POLQ: variants seen among roughly 807,000 people sequenced by gnomAD.
The protein encoded by POLQ is DNA polymerase theta.
In POLQ, 233 loss-of-function variants were observed where a neutral mutation model predicts 259.2. The ratio of observed to expected loss-of-function variants is 0.90; its 90% CI spans 0.81 to 1.00. The LOEUF (loss-of-function observed/expected upper bound fraction) is 1.00, where lower values mean the gene tolerates loss of function less well. Ranked by LOEUF, POLQ falls within the 50% of genes least tolerant of loss-of-function variation. POLQ has a pLI of 0.00. For synonymous variants in POLQ, 1,025 were observed against 1,048.8 expected, an observed-to-expected ratio of 0.98 and a Z score of 0.44; for missense variants, 2,871 against 3,051.6, an observed-to-expected ratio of 0.94 and a Z score of 1.39.
At position 121,545,805 on chromosome 3, in the gene POLQ, C is replaced by T; in HGVS notation, c.73G>A (p.Gly25Ser). Residue 25 changes from glycine to serine, a missense_variant, in exon 1 of 30, where the codon GGT (glycine) becomes AGT (serine). By Grantham distance (56) the Gly-to-Ser change is moderately conservative (BLOSUM62 0). Around this residue, in one of 3 missense-constraint regions of POLQ, gnomAD observed 783 missense variants for 906.2 expected, o/e 0.86. Transcript: ENST00000264233. ...SGSDSFSGSG[G>S]DSSASPQFLS... The stretch of plus-strand genomic sequence containing the variant: ...AACTGGGGGCTGGCACTGCTGTCAC[C>T]GCCGCTTCCCGAGAACGAATCTGAG... 1 of 1,613,154 alleles carries T rather than the reference C, an allele frequency of 6.2e-7. No individual in the cohort carries two copies. Among genetic ancestry groups the T allele is most frequent in the African/African-American group, 1.3e-5 (1 of 75,022 alleles).
intron 27 of POLQ, 42 bp downstream of exon 27, chr3:121,439,950 A>G: frequency 6.5e-7 from 1 of 1,548,660 alleles, no homozygotes; most frequent in South Asian, 1.1e-5. Context: ...AGTACATGTC[A>G]TTGAAATGTT....
At chr3:121,480,066 G>T (rs535783321) in intron 19 of POLQ, among the ~76,000 whole-genome samples, 4 of 151,608 alleles carry the variant, frequency 2.6e-5, no homozygotes, top group African/African-American at 9.7e-5. Flanking sequence ...CTTAGCAATA[G>T]CTGTATATCA....
chr3:121,522,238 G>A (rs1281013817), intron 7 of POLQ, 89 bp from the exon 8 acceptor site: 4 of 786,436 alleles, frequency 5.1e-6, no homozygotes, highest in South Asian at 2.1e-5. Context: ...TAAATAGCAG[G>A]GGAATGGTTC....
chr3:121,495,571 C>T (rs748369104), intron 14 of POLQ, among the ~76,000 whole-genome samples: 1 of 151,722 alleles, frequency 6.6e-6, no homozygotes, highest in African/African-American at 2.4e-5. Flanking sequence ...CGGCCGGGCG[C>T]GGGTGGCTTA....
intron 9 of POLQ, among the ~76,000 whole-genome samples, chr3:121,513,331 C>T (rs1342679708): frequency 1.3e-5 from 2 of 151,986 alleles, no homozygotes; most frequent in African/African-American, 2.4e-5. Context: ...CAGCCAGGCG[C>T]GGTGGCTCAC....
chr3:121,452,582 A>G (rs939330471), intron 25 of POLQ, among the ~76,000 whole-genome samples: 4 of 151,924 alleles, frequency 2.6e-5, no homozygotes, highest in African/African-American at 7.3e-5. Flanking sequence ...TGGTGACACA[A>G]ACAAAAACTG....
intron 18 of POLQ, among the ~76,000 whole-genome samples, chr3:121,482,338 G>A (rs574082468): frequency 6.1e-4 from 93 of 152,168 alleles, no homozygotes; most frequent in African/African-American, 2.1e-3. Flanking sequence ...GGTCAACATG[G>A]TGAAACCCTG....
At chr3:121,473,859 T>G (rs960034676) in intron 20 of POLQ, among the ~76,000 whole-genome samples, 8 of 151,432 alleles carry the variant, frequency 5.3e-5, no homozygotes, top group Non-Finnish European at 7.4e-5. Context: ...CCCGAGTAGC[T>G]AGGGCCACAG....
Position 121,473,463 on chromosome 3 carries a change from G to T in POLQ, c.6430C>A (p.Pro2144Thr), listed in dbSNP as rs375962847. The change falls in exon 21 of 30, where the codon CCC becomes ACC. Residue 2144 changes from proline (P) to threonine (T), a missense_variant. Pro to Thr is a conservative substitution (Grantham distance 38). Transcript: ENST00000264233. ...TGGTTTTTCATCTCTCTATTTGGGG[G>T]CAACTTCAATTCCAAAAATAAAACC... ...AEVLFLELKL[P>T]PNREMKNQGS... The T allele has an allele frequency of 3.1e-6, 5 of 1,612,584 alleles. No individual in the cohort carries two copies. The highest frequency in any genetic ancestry group is 3.3e-5 in the Admixed American group (2 of 59,828).
Position 121,432,081 on chromosome 3 carries a change from T to C in POLQ, c.*223A>G, listed in dbSNP as rs73855391. The C allele has an allele frequency of 3.4e-3, 1,428 of 414,278 alleles. 14 individuals carry two copies. The highest frequency in any genetic ancestry group is 0.028 in the African/African-American group (1,346 of 48,540). 25.7% of individuals were successfully genotyped at this position (414,278 alleles called of 1,614,324 possible). A position where few individuals can be genotyped will look rare whatever the true frequency, so the allele number is the denominator to read the frequency against. ...TTCATAGATGCTCTTTGAAAGTGAATGTAACTATTATACTTGGTATTCTAC... is the reference window on the plus strand; with the variant it reads ...TTCATAGATGCTCTTTGAAAGTGAACGTAACTATTATACTTGGTATTCTAC... On this transcript the variant is annotated 3_prime_UTR_variant, in exon 30 of 30. Coordinates refer to ENST00000264233, the MANE Select transcript of POLQ (RefSeq NM_199420.4).
At chr3:121,495,871 A>AG in intron 14 of POLQ, among the ~76,000 whole-genome samples, 1 of 150,698 alleles carries the variant, frequency 6.6e-6, no homozygotes, top group Non-Finnish European at 1.5e-5. Flanking sequence ...AAAAAAAAAA[A>AG]AGAGTGAGTG....
In POLQ at chr3:121,487,976, G is replaced by A; in HGVS notation, c.4955C>T (p.Pro1652Leu). Residue 1652 changes from proline (P) to leucine (L), a missense_variant, in exon 16 of 30, where the codon CCT (proline) becomes CTT (leucine). Physicochemically the swap from Pro to Leu is moderately conservative, Grantham distance 98. Transcript: ENST00000264233. ...TGATTTTAGCTTTTCATTTTCTAGA[G>A]GACTGGATACTTTATCTAAAATCCT... ...LQRILDKVSSPLENEKLKSMT... is the reference protein window; with the variant it reads ...LQRILDKVSSLLENEKLKSMT... 1 of 1,611,060 alleles carries A rather than the reference G, an allele frequency of 6.2e-7. No homozygotes were observed. Among genetic ancestry groups the A allele is most frequent in the African/African-American group, 1.3e-5 (1 of 74,798 alleles).
At chr3:121,460,014 C>A (rs772992611) in intron 25 of POLQ, 36 bp downstream of exon 25, 9 of 1,504,192 alleles carry the variant, frequency 6.0e-6, no homozygotes, top group South Asian at 3.5e-5. Context: ...TCACTAAATT[C>A]TTCTCCTTTA....
chr3:121,544,592 A>G, intron 2 of POLQ, 135 bp downstream of exon 2: 1 of 577,438 alleles, frequency 1.7e-6, no homozygotes, highest in Non-Finnish European at 3.0e-6. Context: ...TCCACTTTTC[A>G]CACATATTGT....
chr3:121,491,454 G>A (rs1560098587), intron 15 of POLQ, among the ~76,000 whole-genome samples: 1 of 150,562 alleles, frequency 6.6e-6, no homozygotes, highest in Non-Finnish European at 1.5e-5. Flanking sequence ...ACTAGAAAAT[G>A]AACAAAAGAA....
chr3:121,522,528 G>T (rs892583758), intron 7 of POLQ, among the ~76,000 whole-genome samples: 1 of 149,748 alleles, frequency 6.7e-6, no homozygotes, highest in Non-Finnish European at 1.5e-5. Flanking sequence ...AGCCAGGATG[G>T]TCTCGATCTC....
chr3:121,440,577 C>T (rs528945332), intron 26 of POLQ, among the ~76,000 whole-genome samples: 1 of 152,346 alleles, frequency 6.6e-6, no homozygotes, highest in Non-Finnish European at 1.5e-5. Flanking sequence ...CTCAAGCGAT[C>T]TGCCCACCTC....
intron 4 of POLQ, among the ~76,000 whole-genome samples, chr3:121,538,111 GT>G (rs2048463263): frequency 6.6e-6 from 1 of 152,140 alleles, no homozygotes; most frequent in African/African-American, 2.4e-5. Flanking sequence ...ATCTATGTCA[GT>G]TTTCAATGTA....
chr3:121,540,894 T>A (rs1409271431), intron 3 of POLQ, among the ~76,000 whole-genome samples: 3 of 114,662 alleles, frequency 2.6e-5, no homozygotes, highest in African/African-American at 6.2e-5. Context: ...TAAATTTTTT[T>A]AATTTTTTTT....
Sources: gnomAD v4.1 joint callset for allele counts (sites outside exome capture counted in the v4.1 genomes callset) on GRCh38, gnomAD v4.1.1 for gene constraint, gnomAD v4.1.1 regional missense constraint, MANE v1.5 for transcripts, NCBI Gene and HGNC (gene_info 2026-07-23, HGNC 2026-07-21) for gene names.